OTOG: variants seen among roughly 807,000 people sequenced by gnomAD.
The protein encoded by OTOG is otogelin.
In OTOG, 296 loss-of-function variants were observed where a neutral mutation model predicts 313.8. The observed-to-expected ratio is 0.94, with a 90% confidence interval of 0.86 to 1.04. The LOEUF (loss-of-function observed/expected upper bound fraction) is 1.04. OTOG is among the 50% of genes least tolerant of loss of function. OTOG has a pLI of 0.00. For synonymous variants in OTOG, 1,533 were observed against 1,554.9 expected (o/e 0.99, Z 0.33); for missense variants, 3,948 against 3,840.1 (o/e 1.03, Z -0.74).
At chr11:17,551,596 G>T (rs886746210) in intron 3 of OTOG, among the ~76,000 whole-genome samples, 2 of 152,072 alleles carry the variant, frequency 1.3e-5, no homozygotes, top group African/African-American at 2.4e-5. Flanking sequence ...GGCTGCCTTT[G>T]TTCCTTAGCT....
At chr11:17,618,302 G>A (rs908546871) in intron 39 of OTOG, among the ~76,000 whole-genome samples, 15 of 152,144 alleles carry the variant, frequency 9.9e-5, no homozygotes, top group African/African-American at 3.6e-4. Flanking sequence ...TTTTCAATCA[G>A]TTCAAAATAC....
chr11:17,612,398 C>A, intron 37 of OTOG, 68 bp downstream of exon 37: 1 of 1,470,206 alleles, frequency 6.8e-7, no homozygotes. Context: ...GACCGCCATC[C>A]CTGATCTGTG....
chr11:17,603,174 G>A (rs921564562), intron 32 of OTOG, among the ~76,000 whole-genome samples: 4 of 152,136 alleles, frequency 2.6e-5, no homozygotes, highest in African/African-American at 4.8e-5. Flanking sequence ...GTGAGCCTGG[G>A]TGAGGTAGGT....
chr11:17,618,038 G>A (rs530129354), intron 39 of OTOG, among the ~76,000 whole-genome samples: 78 of 151,924 alleles, frequency 5.1e-4, no homozygotes, highest in African/African-American at 1.8e-3. Context: ...TCAGCCACCC[G>A]AGTAGCTGGG....
chr11:17,597,633 G>A (rs1213963188), intron 30 of OTOG, among the ~76,000 whole-genome samples: 2 of 152,112 alleles, frequency 1.3e-5, no homozygotes, highest in Non-Finnish European at 2.9e-5. Context: ...TGCATCCATA[G>A]ATATACTCCT....
chr11:17,574,943 G>T (rs1450799304), intron 20 of OTOG, 31 bp downstream of exon 20: 1 of 1,466,982 alleles, frequency 6.8e-7, no homozygotes, highest in Non-Finnish European at 9.1e-7. Context: ...TCTGAGTTGG[G>T]TGGGAAGGTG....
At chr11:17,595,460 A>G (rs866513510) in intron 28 of OTOG, among the ~76,000 whole-genome samples, 5 of 152,148 alleles carry the variant, frequency 3.3e-5, no homozygotes, top group Non-Finnish European at 7.4e-5. Flanking sequence ...GTATTATTTC[A>G]GTTTCTGTGG....
At chr11:17,567,157 C>G (rs947573564) in intron 15 of OTOG, among the ~76,000 whole-genome samples, 4 of 152,162 alleles carry the variant, frequency 2.6e-5, no homozygotes, top group Non-Finnish European at 4.4e-5. Context: ...GGATTTGAAC[C>G]TGAGACTTTT....
chr11:17,594,775 C>T (rs1368938533), intron 28 of OTOG, among the ~76,000 whole-genome samples: 2 of 152,184 alleles, frequency 1.3e-5, no homozygotes, highest in Non-Finnish European at 2.9e-5. Flanking sequence ...TGTCTTGGGT[C>T]ATCCATTGAC....
At chr11:17,594,019 CTGACCA>C in intron 27 of OTOG, 22 bp from the exon 28 acceptor site, 1 of 1,550,490 alleles carries the variant, frequency 6.4e-7, no homozygotes, top group Non-Finnish European at 8.7e-7. Flanking sequence ...AGGCCTGCAA[CTGACCA>C]TGGTGTCCTC....
chr11:17,580,868 T>A (rs907252742), intron 23 of OTOG, among the ~76,000 whole-genome samples: 1 of 152,244 alleles, frequency 6.6e-6, no homozygotes, highest in Non-Finnish European at 1.5e-5. Context: ...AAGGGTTAAG[T>A]GGCTTCAGGT....
chr11:17,582,318 A>G (rs1246656374), intron 23 of OTOG, among the ~76,000 whole-genome samples: 1 of 152,210 alleles, frequency 6.6e-6, no homozygotes. Context: ...ACACACACAC[A>G]TACACACTCA....
intron 30 of OTOG, among the ~76,000 whole-genome samples, 191 bp from the exon 31 acceptor site, chr11:17,599,479 AG>A (rs1590031741): frequency 6.6e-6 from 1 of 152,278 alleles, no homozygotes; most frequent in Non-Finnish European, 1.5e-5. Flanking sequence ...GTCGGCCCAG[AG>A]AGGAGCCATT....
chr11:17,552,497 C>G (rs1340222498), intron 4 of OTOG, among the ~76,000 whole-genome samples: 1 of 141,194 alleles, frequency 7.1e-6, no homozygotes, highest in Non-Finnish European at 1.5e-5. Context: ...TCTGTGGCCT[C>G]TCCTCCCACC....
chr11:17,617,737 CCTT>C (rs368811532), intron 39 of OTOG, among the ~76,000 whole-genome samples: 80 of 152,138 alleles, frequency 5.3e-4, no homozygotes, highest in African/African-American at 1.9e-3. Context: ...AACTTACTGT[CCTT>C]CTCAAAGAAT....
rs1252289643 is a variant in OTOG, at chr11:17,597,026, C to CTG, written c.3682+19_3682+20insTG. ...CTCTGCCGTGAGTGTCCCAGACAAT[C>CTG]ACCTGAGGGGACAGAGTAGAGTGTC... On this transcript the variant is annotated intron_variant, in intron 30 of 55. Transcript: ENST00000399397. 6.5e-7 allele frequency: 1 copy of CTG among 1,548,736 alleles called. No individual in the cohort carries two copies. The highest frequency in any genetic ancestry group is 1.4e-5 in the African/African-American group (1 of 73,034).
At chr11:17,603,694 G>A (rs1281990245) in intron 32 of OTOG, among the ~76,000 whole-genome samples, 1 of 152,204 alleles carries the variant, frequency 6.6e-6, no homozygotes, top group Non-Finnish European at 1.5e-5. Flanking sequence ...ACCTAGGGTG[G>A]CTGCATGGAG....
At chr11:17,571,489 C>A (rs908705825) in intron 17 of OTOG, among the ~76,000 whole-genome samples, 1 of 152,182 alleles carries the variant, frequency 6.6e-6, no homozygotes, top group Admixed American at 6.5e-5. Context: ...ATGCTCATCC[C>A]CCTTCCTCCC....
At position 17,553,178 on chromosome 11, in the gene OTOG, C is replaced by G. The variant is rs527900760; in HGVS notation, c.352C>G (p.Arg118Gly). The change falls in exon 5 of 56, where the codon CGC (arginine) becomes GGC (glycine). Residue 118 changes from arginine to glycine, a missense_variant. Arg to Gly is a moderately radical substitution (Grantham distance 125). Transcript: ENST00000399397. Reference sequence around the variant, plus strand: ...GCACCCAGCCTTCTGTGACTGCAGACGCTTCAATGCCACTGGACCGCGCTG... The same window carrying G: ...GCACCCAGCCTTCTGTGACTGCAGAGGCTTCAATGCCACTGGACCGCGCTG... ...CVHPAFCDCR[R>G]FNATGPRCQM... is the part of the protein sequence containing the mutation. 1.3e-6 allele frequency: 2 copies of G among 1,550,534 alleles called. No homozygotes were observed. Among genetic ancestry groups the G allele is most frequent in the East Asian group, 4.9e-5 (2 of 40,908 alleles).
Sources: gnomAD v4.1 joint callset for allele counts (sites outside exome capture counted in the v4.1 genomes callset) on GRCh38, gnomAD v4.1.1 for gene constraint, MANE v1.5 for transcripts, NCBI Gene and HGNC (gene_info 2026-07-23, HGNC 2026-07-21) for gene names.